Variants in SIAE observed in about 807,000 individuals in gnomAD.
SIAE encodes sialate O-acetylesterase.
Under a neutral mutation model 52.6 loss-of-function variants are expected in SIAE, and 39 were observed. The observed-to-expected ratio is 0.74, with a 90% CI of 0.57 to 0.97. The LOEUF (loss-of-function observed/expected upper bound fraction) is 0.97, where lower values mean the gene tolerates loss of function less well. SIAE is among the 50% of genes least tolerant of loss of function. The probability of loss-of-function intolerance (pLI) is 0.00; values close to 1 mark genes in which losing one functional copy is unlikely to be tolerated. For synonymous variants in SIAE, 233 were observed against 241.4 expected (o/e 0.97, Z 0.32); for missense variants, 592 against 662.1 (o/e 0.89, Z 1.16).
chr11:124,671,758 TTTC>T (rs1192740305), intron 1 of SIAE, among the ~76,000 whole-genome samples: 1 of 151,928 alleles, frequency 6.6e-6, no homozygotes, highest in African/African-American at 2.4e-5. Context: ...TACCATTTGA[TTTC>T]TTGTTTGTTT....
intron 2 of SIAE, among the ~76,000 whole-genome samples, chr11:124,665,796 G>A (rs1943264565): frequency 6.6e-6 from 1 of 152,050 alleles, no homozygotes; most frequent in South Asian, 2.1e-4. Context: ...TCCAGCCTGG[G>A]TGACAGAGCA....
rs1328878091 is a variant in SIAE at position 124,664,595 on chromosome 11, ACT to A, written c.230-3794_230-3793del. Among the ~76,000 whole-genome samples the A allele has an allele frequency of 7.3e-5, 11 of 151,356 alleles. 1 individual carries two copies. The highest frequency in any genetic ancestry group is 2.4e-4 in the African/African-American group (10 of 41,196). On this transcript the variant is annotated intron_variant, in intron 2 of 9. Transcript: ENST00000263593. The stretch of plus-strand genomic sequence containing the variant: ...ACATTCCAGCCAAGGGCAGTGAAAA[ACT>A]CTCTGTCTCCACCTTCTCTCCACCT...
intron 7 of SIAE, among the ~76,000 whole-genome samples, chr11:124,641,801 A>G (rs1337410557): frequency 2.6e-5 from 4 of 152,014 alleles, no homozygotes; most frequent in African/African-American, 9.7e-5. Context: ...TCTACTAACA[A>G]TACAAAAAAT....
chr11:124,658,051 A>G (rs1943127629), intron 3 of SIAE, among the ~76,000 whole-genome samples: 2 of 152,204 alleles, frequency 1.3e-5, no homozygotes, highest in South Asian at 4.1e-4. Context: ...AGACGCTGGG[A>G]GAGAGCACCG....
rs753546180 is a variant in SIAE at position 124,639,821 on chromosome 11, T to A, written c.1013A>T (p.Gln338Leu). The stretch of plus-strand genomic sequence containing the variant: ...GTCTGCTGTTTGATGCCAACGGATC[T>A]GGGGAAATCCATCGTCTGAGCTCTT... ...SKKSSDDGFP[Q>L]IRWHQTADFG... is the part of the protein sequence containing the mutation. Residue 338 changes from glutamine to leucine, a missense_variant, in exon 8 of 10, where the codon CAG becomes CTG. Transcript: ENST00000263593. 1 of 1,614,228 alleles carries A rather than the reference T, an allele frequency of 6.2e-7. No homozygotes were observed. Among genetic ancestry groups the A allele is most frequent in the Non-Finnish European group, 8.5e-7 (1 of 1,180,036 alleles).
chr11:124,656,803 G>T (rs559878947), intron 3 of SIAE, among the ~76,000 whole-genome samples: 1 of 152,264 alleles, frequency 6.6e-6, no homozygotes, highest in Admixed American at 6.5e-5. Context: ...AGGAAGCCCA[G>T]TTACCGCTTG....
chr11:124,658,437 TCTTAATTTC>T (rs1943133338), intron 3 of SIAE, among the ~76,000 whole-genome samples: 1 of 151,966 alleles, frequency 6.6e-6, no homozygotes, highest in African/African-American at 2.4e-5. Flanking sequence ...CTCTTCTGGA[TCTTAATTTC>T]TCTATTTGTA....
intron 6 of SIAE, 43 bp from the exon 7 acceptor site, chr11:124,647,541 CA>C: frequency 6.2e-7 from 1 of 1,609,922 alleles, no homozygotes. Context: ...GAGTAGACTG[CA>C]AAAATGACCA....
At chr11:124,660,523 A>C (rs773080389) in intron 3 of SIAE, 105 bp downstream of exon 3, 5 of 1,144,846 alleles carry the variant, frequency 4.4e-6, no homozygotes, top group Non-Finnish European at 6.6e-6. Context: ...CATGGTACTC[A>C]CTAAATAGAA....
At chr11:124,642,147 C>A (rs1013799171) in intron 7 of SIAE, among the ~76,000 whole-genome samples, 2 of 152,014 alleles carry the variant, frequency 1.3e-5, no homozygotes, top group Admixed American at 6.6e-5. Flanking sequence ...ATATGGAGAA[C>A]AAGAGGAAGG....
intron 2 of SIAE, among the ~76,000 whole-genome samples, chr11:124,663,574 AAAAAT>A (rs777986582): frequency 5.6e-4 from 85 of 152,340 alleles, no homozygotes; most frequent in African/African-American, 2.0e-3. Context: ...ACTTTGTCTC[AAAAAT>A]AAAATAAAAT....
intron 7 of SIAE, among the ~76,000 whole-genome samples, chr11:124,646,482 A>G (rs1942937082): frequency 6.6e-6 from 1 of 152,150 alleles, no homozygotes; most frequent in African/African-American, 2.4e-5. Flanking sequence ...GATTAAAGTT[A>G]ACTAGGAAAG....
intron 4 of SIAE, among the ~76,000 whole-genome samples, chr11:124,651,663 G>A (rs1316297993): frequency 6.6e-6 from 1 of 152,042 alleles, no homozygotes; most frequent in Non-Finnish European, 1.5e-5. Flanking sequence ...TATCAAATGA[G>A]AGGCAGATCC....
intron 3 of SIAE, among the ~76,000 whole-genome samples, chr11:124,657,708 G>A (rs886673159): frequency 1.3e-5 from 2 of 152,192 alleles, no homozygotes; most frequent in African/African-American, 4.8e-5. Context: ...GCCACAGAGA[G>A]TGTCAGCAAA....
In SIAE at chr11:124,654,678, A is replaced by G. The variant is rs1254460491; in HGVS notation, c.521T>C (p.Leu174Ser). 2 of 1,614,088 alleles carry G rather than the reference A, an allele frequency of 1.2e-6. No homozygotes were observed. The highest frequency in any genetic ancestry group is 1.7e-6 in the Non-Finnish European group (2 of 1,180,036). Residue 174 changes from leucine to serine, a missense_variant, in exon 4 of 10, where the codon TTG (leucine) becomes TCG (serine). Physicochemically the swap from Leu to Ser is moderately radical, Grantham distance 145. Transcript: ENST00000263593. ...QELEDLVAVD[L>S]QWSKPTSENL... ...ACCTGAGGTGGGCTTAGACCACTGC[A>G]AGTCAACCGCAACAAGGTCCTCCAG... is the stretch of plus-strand genomic sequence containing the variant.
intron 1 of SIAE, among the ~76,000 whole-genome samples, chr11:124,672,626 C>T (rs889992174): frequency 9.9e-5 from 15 of 152,062 alleles, no homozygotes; most frequent in African/African-American, 3.4e-4. Flanking sequence ...AACTGAAAAC[C>T]TAATAAAATA....
At chr11:124,669,558 G>C (rs75140259) in intron 1 of SIAE, 37 bp from the exon 2 acceptor site, 1 of 1,591,418 alleles carries the variant, frequency 6.3e-7, no homozygotes, top group Non-Finnish European at 8.6e-7. Context: ...AAGCATCATC[G>C]GAGAGATATA....
rs969534213 is a variant in SIAE, at chr11:124,635,473, T to G, written c.*1478A>C. The stretch of plus-strand genomic sequence containing the variant: ...GTAGAACTAAAGCAAAAACCATCAT[T>G]CACCCTACAGAGTATTATAAATTTC... On this transcript the variant is annotated 3_prime_UTR_variant, in exon 10 of 10. Coordinates refer to ENST00000263593, the MANE Select transcript of SIAE (RefSeq NM_170601.5). 9.2e-5 allele frequency: 14 copies of G among 152,164 alleles called. No homozygotes were observed. Among genetic ancestry groups the G allele is most frequent in the Non-Finnish European group, 1.6e-4 (11 of 68,026 alleles). 9.4% of individuals were successfully genotyped at this position (152,164 alleles called of 1,614,324 possible).
chr11:124,645,914 A>G lies in SIAE; in HGVS notation c.966+1451T>C, dbSNP rs936061663. Reference sequence around the variant, plus strand: ...TCTATACAAATATTCAAAAGAAGGTACAGTGAAAAGGACAAGGTAGGGGAG... The same window carrying G: ...TCTATACAAATATTCAAAAGAAGGTGCAGTGAAAAGGACAAGGTAGGGGAG... On this transcript the variant is annotated intron_variant, in intron 7 of 9. Transcript: ENST00000263593. This position sits in a 1 kb window ranked among gnomAD's most constrained non-coding sequence, Gnocchi z 4.7. Among the ~76,000 whole-genome samples, 1 of 152,234 alleles carries G rather than the reference A, an allele frequency of 6.6e-6. No homozygotes were observed. Among genetic ancestry groups the G allele is most frequent in the Non-Finnish European group, 1.5e-5 (1 of 68,040 alleles).
Sources: gnomAD v4.1 joint callset for allele counts (sites outside exome capture counted in the v4.1 genomes callset) on GRCh38, gnomAD v4.1.1 for gene constraint, Gnocchi (gnomAD v3.1) non-coding constraint, MANE v1.5 for transcripts, NCBI Gene and HGNC (gene_info 2026-07-23, HGNC 2026-07-21) for gene names.